Variants in PDK1 observed in about 807,000 individuals in gnomAD.
PDK1 encodes pyruvate dehydrogenase kinase 1.
Under a neutral mutation model 54.2 loss-of-function variants are expected in PDK1, and 39 were observed. The observed-to-expected ratio is 0.72, with a 90% CI of 0.56 to 0.94. PDK1 has a LOEUF of 0.94. Ranked by LOEUF, PDK1 falls within the 40% of genes least tolerant of loss-of-function variation. The pLI is 0.00. For missense variants in PDK1, 552 were observed against 566.0 expected (o/e 0.98, Z 0.25); for synonymous variants, 221 against 207.1 (o/e 1.07, Z -0.58).
At chr2:172,642,850 TCTC>T in the PDK1 span, among the ~76,000 whole-genome samples, 3 of 143,998 alleles carry the variant, frequency 2.1e-5, no homozygotes, top group Non-Finnish European at 3.1e-5. Context: ...TCCTTCTCCT[TCTC>T]CTCCTTCTCC....
At chr2:172,658,772 ACCC>A in the PDK1 span, among the ~76,000 whole-genome samples, 1 of 152,098 alleles carries the variant, frequency 6.6e-6, no homozygotes, top group East Asian at 1.9e-4. Context: ...CTCCTGCAGT[ACCC>A]TCAGGCTTAT....
At chr2:172,651,941 A>G in the PDK1 span, among the ~76,000 whole-genome samples, 4 of 152,240 alleles carry the variant, frequency 2.6e-5, no homozygotes, top group Non-Finnish European at 2.9e-5. Flanking sequence ...CAATAGAAAA[A>G]GAGGGAATCC....
At chr2:172,617,651 T>G in the PDK1 span, among the ~76,000 whole-genome samples, 2 of 152,220 alleles carry the variant, frequency 1.3e-5, no homozygotes, top group Middle Eastern at 3.4e-3. Flanking sequence ...GGGCGATCCC[T>G]CATGACCTAA....
the PDK1 span, among the ~76,000 whole-genome samples, chr2:172,710,975 A>C: frequency 6.6e-6 from 1 of 152,248 alleles, no homozygotes; most frequent in African/African-American, 2.4e-5. Flanking sequence ...CTATTATTGG[A>C]AAGCACATTG....
chr2:172,724,073 GA>G, the PDK1 span: 1 of 152,196 alleles, frequency 6.6e-6, no homozygotes, highest in East Asian at 1.9e-4. Flanking sequence ...GTATTCTTTT[GA>G]GGGAATATGT....
At chr2:172,696,241 A>G in the PDK1 span, among the ~76,000 whole-genome samples, 1 of 151,958 alleles carries the variant, frequency 6.6e-6, no homozygotes, top group East Asian at 1.9e-4. Flanking sequence ...TCCAGATAAG[A>G]GCACAGCTTG....
chr2:172,656,701 CAGG>C, the PDK1 span, among the ~76,000 whole-genome samples: 1 of 152,100 alleles, frequency 6.6e-6, no homozygotes, highest in Non-Finnish European at 1.5e-5. Flanking sequence ...TTCTTGAGGC[CAGG>C]AGTTCAAGAA....
the PDK1 span, among the ~76,000 whole-genome samples, chr2:172,657,466 C>CTTTTTTTTTTTTT: frequency 9.3e-6 from 1 of 107,292 alleles, no homozygotes; most frequent in Middle Eastern, 5.4e-3. Context: ...TATTTTTTAA[C>CTTTTTTTTTTTTT]TTGTGGTTTT....
rs145878675 is a variant in PDK1, at chr2:172,572,807, T to C, written c.945+1983T>C. Among the ~76,000 whole-genome samples the C allele has an allele frequency of 9.7e-4, 148 of 152,268 alleles. 1 individual carries two copies. Among genetic ancestry groups the C allele is most frequent in the African/African-American group, 3.3e-3 (137 of 41,558 alleles). On this transcript the variant is annotated intron_variant, in intron 8 of 10. Transcript: ENST00000282077. ...TCTTCTAGCCCTTGGCAACCACTGA[T>C]CTATTTTCTGTTTGTGTATTTCTCT...
In PDK1 at chr2:172,592,992, G is replaced by A. The variant is rs199772654; in HGVS notation, c.1114G>A (p.Asp372Asn). 1 of 1,612,346 alleles carries A rather than the reference G, an allele frequency of 6.2e-7. No individual in the cohort carries two copies. Among genetic ancestry groups the A allele is most frequent in the African/African-American group, 1.3e-5 (1 of 74,964 alleles). ...TCTTTACGCACAATACTTCCAAGGA[G>A]ACCTGAAGCTGTATTCCCTAGAGGG... ...SRLYAQYFQG[D>N]LKLYSLEGYG... is the part of the protein sequence containing the mutation. The change falls in exon 10 of 11, where the codon GAC (aspartate) becomes AAC (asparagine). Residue 372 changes from aspartate to asparagine, a missense_variant. Asp to Asn is a conservative substitution (Grantham distance 23). Coordinates refer to ENST00000282077, the MANE Select transcript of PDK1 (RefSeq NM_002610.5).
At chr2:172,571,267 G>A (rs1451662553) in intron 8 of PDK1, among the ~76,000 whole-genome samples, 1 of 152,132 alleles carries the variant, frequency 6.6e-6, no homozygotes, top group Non-Finnish European at 1.5e-5. Context: ...ACAGTGATTA[G>A]CTCAGGATCA....
the PDK1 span, among the ~76,000 whole-genome samples, chr2:172,626,489 A>T: frequency 6.6e-6 from 1 of 152,190 alleles, no homozygotes; most frequent in African/African-American, 2.4e-5. Context: ...TATTTTAAAG[A>T]TATAGTTTTG....
chr2:172,595,762 C>T, intron 10 of PDK1, 67 bp from the exon 11 acceptor site: 1 of 1,382,902 alleles, frequency 7.2e-7, no homozygotes, highest in African/African-American at 1.4e-5. Context: ...TTGCCATTGT[C>T]TATTTTCTCA....
chr2:172,661,301 A>G, the PDK1 span, among the ~76,000 whole-genome samples: 1 of 152,244 alleles, frequency 6.6e-6, no homozygotes, highest in African/African-American at 2.4e-5. Context: ...AGCTTAAATT[A>G]TATGCCATTA....
the PDK1 span, among the ~76,000 whole-genome samples, chr2:172,632,101 C>T: frequency 6.6e-6 from 1 of 151,734 alleles, no homozygotes; most frequent in Non-Finnish European, 1.5e-5. Flanking sequence ...CATGGTGAAA[C>T]CCCGTCTACT....
the PDK1 span, among the ~76,000 whole-genome samples, chr2:172,628,475 C>T: frequency 6.6e-6 from 1 of 152,286 alleles, no homozygotes; most frequent in East Asian, 1.9e-4. Context: ...ATCCCTGCCC[C>T]CCACTTCCCT....
Position 172,570,740 on chromosome 2 carries a change from C to A in PDK1, c.861C>A (p.Ala287=). Reference sequence around the variant, plus strand: ...ATGTATTTCAGAATGCAATGAGAGCCACTATGGAACACCATGCCAACAGAG... The same window carrying A: ...ATGTATTTCAGAATGCAATGAGAGCAACTATGGAACACCATGCCAACAGAG... ...VFELFKNAMR[A]TMEHHANRGV... Residue 287 remains alanine, a synonymous_variant, in exon 8 of 11, where the codon GCC becomes GCA. Transcript: ENST00000282077. 1 of 1,599,042 alleles carries A rather than the reference C, an allele frequency of 6.3e-7. No individual in the cohort carries two copies. Among genetic ancestry groups the A allele is most frequent in the Non-Finnish European group, 8.6e-7 (1 of 1,167,690 alleles).
At chr2:172,703,392 A>G in the PDK1 span, among the ~76,000 whole-genome samples, 2 of 152,220 alleles carry the variant, frequency 1.3e-5, no homozygotes, top group African/African-American at 4.8e-5. Context: ...TACTGCAGCC[A>G]CAGAAAACAT....
At chr2:172,685,698 A>AT in the PDK1 span, among the ~76,000 whole-genome samples, 1 of 152,206 alleles carries the variant, frequency 6.6e-6, no homozygotes, top group Non-Finnish European at 1.5e-5. Context: ...AACCTGATAA[A>AT]TGCACCCGAT....
Sources: gnomAD v4.1 joint callset for allele counts (sites outside exome capture counted in the v4.1 genomes callset) on GRCh38, gnomAD v4.1.1 for gene constraint, MANE v1.5 for transcripts, NCBI Gene and HGNC (gene_info 2026-07-23, HGNC 2026-07-21) for gene names.